TRUB1: variants seen among roughly 807,000 people sequenced by gnomAD.
TRUB1 encodes the protein pseudouridylate synthase TRUB1.
A neutral mutation model predicts 33.9 loss-of-function variants in TRUB1; 23 were observed. That is an observed-to-expected ratio of 0.68 (90% confidence interval 0.49 to 0.96). The LOEUF is 0.96. TRUB1 is among the 40% of genes least tolerant of loss of function. TRUB1 has a pLI of 0.00. For missense variants in TRUB1, 378 were observed against 422.2 expected (o/e 0.90, Z 0.92); for synonymous variants, 163 against 165.4 (o/e 0.99, Z 0.11).
chr10:114,952,509 GTAGA>G (rs938640526), intron 3 of TRUB1, among the ~76,000 whole-genome samples: 2 of 152,044 alleles, frequency 1.3e-5, no homozygotes, highest in African/African-American at 4.8e-5. Context: ...AGGTAGGTAG[GTAGA>G]TAGATACATA....
rs1396311324 is a variant in TRUB1, at chr10:114,970,378, A to T, written c.534A>T (p.Thr178=). ...GTTGATTTTTGGCAGATAAAATAACACAAGAAGATATTGAAGGCATTCTAC... is the reference window on the plus strand; with the variant it reads ...GTTGATTTTTGGCAGATAAAATAACTCAAGAAGATATTGAAGGCATTCTAC... ...VTEEKPYDKI[T]QEDIEGILQK... Residue 178 remains threonine, a synonymous_variant, in exon 5 of 8, where the codon ACA becomes ACT. Coordinates refer to ENST00000298746, the MANE Select transcript of TRUB1 (RefSeq NM_139169.5). 4 of 1,611,122 alleles carry T rather than the reference A, an allele frequency of 2.5e-6. No individual in the cohort carries two copies. The highest frequency in any genetic ancestry group is 3.3e-4 in the Middle Eastern group (2 of 6,024).
At chr10:114,958,739 G>A (rs1456914370) in intron 3 of TRUB1, among the ~76,000 whole-genome samples, 1 of 152,182 alleles carries the variant, frequency 6.6e-6, no homozygotes, top group African/African-American at 2.4e-5. Flanking sequence ...CAATCCTCAC[G>A]TAACTAAGAA....
chr10:114,966,707 A>G (rs1256341066), intron 4 of TRUB1, among the ~76,000 whole-genome samples: 1 of 152,164 alleles, frequency 6.6e-6, no homozygotes, highest in Non-Finnish European at 1.5e-5. Flanking sequence ...TGTTTATGAA[A>G]TCTCTGAGTA....
At chr10:114,948,601 T>C (rs2084221091) in intron 2 of TRUB1, among the ~76,000 whole-genome samples, 1 of 152,222 alleles carries the variant, frequency 6.6e-6, no homozygotes, top group South Asian at 2.1e-4. Flanking sequence ...CAGATAATTT[T>C]TCTATATGCC....
intron 1 of TRUB1, 22 bp downstream of exon 1, chr10:114,938,561 C>A (rs1252417952): frequency 2.6e-6 from 4 of 1,513,668 alleles, no homozygotes; most frequent in Non-Finnish European, 8.8e-7. Flanking sequence ...CGGGTGGGGA[C>A]CAGGCTGAGG....
rs557031224 is a variant in TRUB1, at chr10:114,963,295, C to G, written c.523+3488C>G. Among the ~76,000 whole-genome samples, 3 of 152,318 alleles carry G rather than the reference C, an allele frequency of 2.0e-5. No individual in the cohort carries two copies. The East Asian group carries it at 5.8e-4, about 29-fold the overall frequency. On this transcript the variant is annotated intron_variant, in intron 4 of 7. Transcript: ENST00000298746. ...TCTAATGGTACTGTCTCCTCTTGGA[C>G]TGTATATGGTTTGGCTGCTGAGACT...
chr10:114,966,236 A>G (rs1357879650), intron 4 of TRUB1, among the ~76,000 whole-genome samples: 1 of 152,122 alleles, frequency 6.6e-6, no homozygotes. Context: ...TTTTGTAACC[A>G]TTTTTTAAAA....
intron 3 of TRUB1, among the ~76,000 whole-genome samples, chr10:114,956,814 G>T (rs2143021664): frequency 6.6e-6 from 1 of 152,142 alleles, no homozygotes; most frequent in South Asian, 2.1e-4. Context: ...ATAAATCTAG[G>T]CAGATATAAC....
chr10:114,951,265 G>A, intron 3 of TRUB1, 116 bp downstream of exon 3: 2 of 713,008 alleles, frequency 2.8e-6, no homozygotes, highest in South Asian at 3.8e-5. Context: ...TATCATTCCT[G>A]AGTATTAATT....
At chr10:114,965,796 G>A (rs1388513812) in intron 4 of TRUB1, among the ~76,000 whole-genome samples, 1 of 151,798 alleles carries the variant, frequency 6.6e-6, no homozygotes, top group African/African-American at 2.4e-5. Flanking sequence ...TTTTCTCCTA[G>A]GAATTTGTCA....
intron 2 of TRUB1, among the ~76,000 whole-genome samples, chr10:114,943,631 G>A (rs975100052): frequency 6.6e-6 from 1 of 152,214 alleles, no homozygotes; most frequent in Non-Finnish European, 1.5e-5. Context: ...TTTGTTGTTG[G>A]AGAAAGCAGC....
rs766392400 is a variant in TRUB1, at chr10:114,964,317, TG to T, written c.523+4511del. 4.5e-3 allele frequency among the ~76,000 whole-genome samples: 593 copies of T among 131,870 alleles called. 1 individual carries two copies. Among genetic ancestry groups the T allele is most frequent in the Middle Eastern group, 0.029 (8 of 272 alleles). The allele number at this position is 131,870 out of a possible 152,430, so 86.5% of individuals were successfully genotyped here. ...CTGTTCAGGTCTCTTACCCATTTTT[TG>T]TTTTTTCTTTCCCTTTTGAGTTGCC... is the stretch of plus-strand genomic sequence containing the variant. On this transcript the variant is annotated intron_variant, in intron 4 of 7. Transcript: ENST00000298746.
At chr10:114,959,633 A>T (rs927778269) in intron 3 of TRUB1, 93 bp from the exon 4 acceptor site, 9 of 778,272 alleles carry the variant, frequency 1.2e-5, no homozygotes, top group Non-Finnish European at 2.0e-5. Flanking sequence ...TCAGGTTGGT[A>T]GTAGTAGTGA....
At chr10:114,965,035 T>G (rs1222754093) in intron 4 of TRUB1, among the ~76,000 whole-genome samples, 1 of 151,254 alleles carries the variant, frequency 6.6e-6, no homozygotes, top group Non-Finnish European at 1.5e-5. Context: ...GTTCATGCCA[T>G]TCTCCTGCCT....
rs912723033 is a variant in TRUB1 at position 114,975,989 on chromosome 10, T to G, written c.*610T>G. The G allele has an allele frequency of 6.5e-6, 1 of 152,700 alleles. No homozygotes were observed. The highest frequency in any genetic ancestry group is 1.9e-4 in the East Asian group (1 of 5,186). The allele number at this position is 152,700 out of a possible 1,614,324, so 9.5% of individuals were successfully genotyped here. ...ATTTGTAAATGAACCAAATTATTACTGCTACCACTAACAGGTTGTAAATAG... is the reference window on the plus strand; with the variant it reads ...ATTTGTAAATGAACCAAATTATTACGGCTACCACTAACAGGTTGTAAATAG... On this transcript the variant is annotated 3_prime_UTR_variant, in exon 8 of 8. Coordinates refer to ENST00000298746, the MANE Select transcript of TRUB1 (RefSeq NM_139169.5).
At chr10:114,961,031 A>G (rs1357589753) in intron 4 of TRUB1, among the ~76,000 whole-genome samples, 1 of 152,174 alleles carries the variant, frequency 6.6e-6, no homozygotes. Flanking sequence ...AAGGCGCACT[A>G]GAGTAGACAA....
intron 1 of TRUB1, among the ~76,000 whole-genome samples, chr10:114,941,024 T>C (rs1420236436): frequency 6.6e-6 from 1 of 152,182 alleles, no homozygotes; most frequent in East Asian, 1.9e-4. Flanking sequence ...CTTTTGGCCA[T>C]TTAATCTGGC....
chr10:114,963,441 A>G (rs2084292925), intron 4 of TRUB1, among the ~76,000 whole-genome samples: 1 of 152,242 alleles, frequency 6.6e-6, no homozygotes, highest in African/African-American at 2.4e-5. Context: ...AGCTGTTTGC[A>G]TTTAAACTTT....
At chr10:114,966,635 A>G (rs1287178807) in intron 4 of TRUB1, among the ~76,000 whole-genome samples, 1 of 152,160 alleles carries the variant, frequency 6.6e-6, no homozygotes, top group Non-Finnish European at 1.5e-5. Context: ...ATCTCTCTTC[A>G]TTTATTTAGG....
Sources: allele counts gnomAD v4.1 joint callset (sites outside exome capture counted in the v4.1 genomes callset), GRCh38; gene constraint gnomAD v4.1.1; transcripts MANE v1.5; gene names NCBI Gene and HGNC (gene_info 2026-07-23, HGNC 2026-07-21).